The following FREM2 variants were observed in gnomAD, a reference collection of about 807,000 sequenced individuals.
FREM2 encodes the protein FRAS1-related extracellular matrix protein 2.
FREM2 carries 119 observed loss-of-function variants against 219.9 expected under a neutral mutation model. The ratio of observed to expected loss-of-function variants is 0.54; its 90% CI spans 0.47 to 0.63. The LOEUF (loss-of-function observed/expected upper bound fraction) is 0.63, where lower values mean the gene tolerates loss of function less well. Ranked by LOEUF, FREM2 falls within the 30% of genes least tolerant of loss-of-function variation. The pLI is 0.00. For missense variants in FREM2, 4,030 were observed against 3,993.6 expected, an observed-to-expected ratio of 1.01 and a Z score of -0.25; for synonymous variants, 1,562 against 1,522.8, an observed-to-expected ratio of 1.03 and a Z score of -0.60.
intron 10 of FREM2, 134 bp from the exon 11 acceptor site, chr13:38,851,552 G>T: frequency 1.4e-6 from 1 of 736,200 alleles, no homozygotes; most frequent in South Asian, 1.7e-5. Flanking sequence ...CACTAATTTT[G>T]AGTGAGGGGA....
intron 6 of FREM2, among the ~76,000 whole-genome samples, chr13:38,842,793 TTC>T (rs1434664921): frequency 1.3e-5 from 2 of 152,178 alleles, no homozygotes; most frequent in Non-Finnish European, 2.9e-5. Flanking sequence ...CTTAAATTGT[TTC>T]TCTTTGTCTT....
intron 2 of FREM2, among the ~76,000 whole-genome samples, chr13:38,718,189 A>G (rs770515397): frequency 1.6e-4 from 25 of 152,148 alleles, no homozygotes; most frequent in Admixed American, 7.9e-4. Flanking sequence ...GTTTTTAATG[A>G]TTGCTTTGTA....
chr13:38,695,856 A>G (rs1378043669), intron 1 of FREM2, among the ~76,000 whole-genome samples: 1 of 152,168 alleles, frequency 6.6e-6, no homozygotes, highest in East Asian at 1.9e-4. Flanking sequence ...AAATTGAGAA[A>G]CATTTGCGCC....
At chr13:38,830,550 G>C (rs4533148) in intron 6 of FREM2, among the ~76,000 whole-genome samples, 14,006 of 152,234 alleles carry the variant, frequency 0.092, 979 homozygotes, top group Admixed American at 0.21. Context: ...TTCAATTCCA[G>C]CTTAAAAATC....
At position 38,846,712 on chromosome 13, in the gene FREM2, C is replaced by T. The variant is rs773457616; in HGVS notation, c.6159C>T (p.Pro2053=). The T allele has an allele frequency of 1.2e-6, 2 of 1,613,688 alleles. No individual in the cohort carries two copies. The highest frequency in any genetic ancestry group is 1.1e-5 in the South Asian group (1 of 91,078). Residue 2053 remains proline (P), a synonymous_variant, in exon 7 of 24, where the codon CCC becomes CCT. Coordinates refer to ENST00000280481, the MANE Select transcript of FREM2 (RefSeq NM_207361.6). The part of the protein sequence containing the change: ...VTVRSRKTDP[P]SADAGTDYVG... ...TGAGGTCTCGGAAAACAGATCCTCC[C>T]TCTGCAGATGGTGAGCAGTTTCCCA... is the stretch of plus-strand genomic sequence containing the variant.
chr13:38,864,652 G>A (rs1412118097), intron 16 of FREM2, 46 bp downstream of exon 16: 2 of 1,540,852 alleles, frequency 1.3e-6, no homozygotes, highest in African/African-American at 2.7e-5. Context: ...TAAACCAATT[G>A]GTTTGTTTTG....
In FREM2 at chr13:38,856,265, T is replaced by G; in HGVS notation, c.7056+9T>G. On this transcript the variant is annotated intron_variant, in intron 12 of 23. Coordinates refer to ENST00000280481, the MANE Select transcript of FREM2 (RefSeq NM_207361.6). ...TGATAGCAGAGATGCAGGTAAGTAA[T>G]GTAATGTGTATGTAAATTCATGGCT... 2 of 1,610,528 alleles carry G rather than the reference T, an allele frequency of 1.2e-6. No individual in the cohort carries two copies. Among genetic ancestry groups the G allele is most frequent in the African/African-American group, 2.7e-5 (2 of 74,956 alleles).
intron 6 of FREM2, among the ~76,000 whole-genome samples, chr13:38,807,189 T>TTTTA (rs1555268806): frequency 2.2e-5 from 1 of 45,378 alleles, no homozygotes; most frequent in African/African-American, 6.2e-5. Flanking sequence ...CTTGTCTCTG[T>TTTTA]TATATATATA....
At chr13:38,710,839 A>C (rs148549638) in intron 2 of FREM2, among the ~76,000 whole-genome samples, 204 of 152,370 alleles carry the variant, frequency 1.3e-3, no homozygotes, top group Non-Finnish European at 2.0e-3. Flanking sequence ...TAGTGTAAAA[A>C]TAAATGGAAG....
intron 2 of FREM2, among the ~76,000 whole-genome samples, chr13:38,736,447 G>GA (rs992356417): frequency 1.3e-5 from 2 of 151,890 alleles, no homozygotes; most frequent in African/African-American, 2.4e-5. Flanking sequence ...TAAAAAGCTA[G>GA]AAAAAAAGTA....
chr13:38,712,552 C>A (rs1032737458), intron 2 of FREM2, among the ~76,000 whole-genome samples: 2 of 152,008 alleles, frequency 1.3e-5, no homozygotes, highest in African/African-American at 4.8e-5. Context: ...CAATTTTTAT[C>A]CTATCAGTTG....
Position 38,880,682 on chromosome 13 carries a change from C to CAGGG in FREM2, c.9406_9409dup (p.Gly3137GlufsTer19). 1 of 1,614,130 alleles carries CAGGG rather than the reference C, an allele frequency of 6.2e-7. No individual in the cohort carries two copies. Among genetic ancestry groups the CAGGG allele is most frequent in the South Asian group, 1.1e-5 (1 of 91,070 alleles). The stretch of plus-strand genomic sequence containing the variant: ...TCACTGTCATTGCAGTGCTGATGTG[C>CAGGG]AGGGGCAAGGAAAGTTTCAGGGGGA... On this transcript the variant is annotated frameshift_variant, in exon 24 of 24. Transcript: ENST00000280481. LOFTEE classifies it low-confidence loss of function (END_TRUNC).
chr13:38,811,203 CTTTT>C (rs1270841102), intron 6 of FREM2, among the ~76,000 whole-genome samples: 3 of 151,822 alleles, frequency 2.0e-5, no homozygotes, highest in African/African-American at 7.2e-5. Context: ...GATCTTCTCT[CTTTT>C]TTTCTTAGTC....
intron 2 of FREM2, among the ~76,000 whole-genome samples, chr13:38,759,467 G>C (rs891418105): frequency 1.3e-5 from 2 of 148,542 alleles, no homozygotes; most frequent in Admixed American, 6.7e-5. Flanking sequence ...AAAAAAAAAC[G>C]ACTGAGTTTG....
chr13:38,849,997 A>C (rs367702740), intron 8 of FREM2, 41 bp from the exon 9 acceptor site: 23 of 1,544,060 alleles, frequency 1.5e-5, no homozygotes, highest in Non-Finnish European at 2.1e-5. Context: ...GCCATTTTCC[A>C]CAAGGAAATT....
intron 2 of FREM2, among the ~76,000 whole-genome samples, chr13:38,738,074 G>C (rs1872071580): frequency 6.6e-6 from 1 of 152,096 alleles, no homozygotes; most frequent in Admixed American, 6.5e-5. Flanking sequence ...ATTAGGTATG[G>C]GAGTGACTGA....
chr13:38,828,878 GTTTCAGA>G (rs1369689587), intron 6 of FREM2, among the ~76,000 whole-genome samples: 1 of 151,966 alleles, frequency 6.6e-6, no homozygotes. Flanking sequence ...ATTTAGACTG[GTTTCAGA>G]TTTTTTTTCT....
rs201423166 is a variant in FREM2, at chr13:38,716,327, TA to T, written c.5263+18541del. On this transcript the variant is annotated intron_variant, in intron 2 of 23. Coordinates refer to ENST00000280481, the MANE Select transcript of FREM2 (RefSeq NM_207361.6). ...CTATTTTCATTTCAAAATAGGTACT[TA>T]TGCAAAATTCGAATCAGCCTGCATC... 4.0e-3 allele frequency among the ~76,000 whole-genome samples: 602 copies of T among 152,294 alleles called. 4 individuals carry two copies. Among genetic ancestry groups the T allele is most frequent in the African/African-American group, 0.014 (579 of 41,554 alleles).
intron 6 of FREM2, among the ~76,000 whole-genome samples, chr13:38,837,237 G>A (rs889643308): frequency 1.3e-5 from 2 of 152,174 alleles, no homozygotes; most frequent in African/African-American, 4.8e-5. Context: ...CAGTTTCCAC[G>A]TAGTGGTGTA....
Sources: gnomAD v4.1 joint callset for allele counts (sites outside exome capture counted in the v4.1 genomes callset) on GRCh38, gnomAD v4.1.1 for gene constraint, MANE v1.5 for transcripts, NCBI Gene and HGNC (gene_info 2026-07-23, HGNC 2026-07-21) for gene names.